The following PLCB1 variants were observed in gnomAD, a reference collection of about 807,000 sequenced individuals.
PLCB1 encodes phospholipase C beta 1.
PLCB1 carries 46 observed loss-of-function variants against 161.8 expected under a neutral mutation model. The observed-to-expected ratio is 0.28, with a 90% CI of 0.22 to 0.36. The LOEUF is 0.36. Among genes scored for constraint, PLCB1 ranks in the 10% least tolerant of loss-of-function variants. The probability of loss-of-function intolerance (pLI) is 1.00; values close to 1 mark genes in which losing one functional copy is unlikely to be tolerated. For missense variants in PLCB1, 1,016 were observed against 1,472.5 expected (o/e 0.69, Z 5.07); for synonymous variants, 517 against 503.7 (o/e 1.03, Z -0.35).
intron 3 of PLCB1, among the ~76,000 whole-genome samples, chr20:8,498,193 G>A (rs193130714): frequency 3.9e-5 from 6 of 152,262 alleles, no homozygotes; most frequent in Admixed American, 3.9e-4. Flanking sequence ...TGCCTCCCAG[G>A]ATAAAGTGAT....
Position 8,561,458 on chromosome 20 carries a change from A to G in PLCB1, c.247-66836A>G, listed in dbSNP as rs148548694. The stretch of plus-strand genomic sequence containing the variant: ...CTCTTAGTTAATCCAAGTGGGTGCC[A>G]AGACCCATGCACTGGAGAGTTGAAA... On this transcript the variant is annotated intron_variant, in intron 3 of 31. Transcript: ENST00000338037. Among the ~76,000 whole-genome samples, 434 of 152,028 alleles carry G rather than the reference A, an allele frequency of 2.9e-3. 1 individual carries two copies. The highest frequency in any genetic ancestry group is 4.2e-3 in the Non-Finnish European group (287 of 67,938).
intron 10 of PLCB1, among the ~76,000 whole-genome samples, chr20:8,695,355 A>G (rs1990562035): frequency 6.6e-6 from 1 of 152,218 alleles, no homozygotes; most frequent in South Asian, 2.1e-4. Context: ...GTCCATGTCA[A>G]AGTCATTTTA....
intron 2 of PLCB1, among the ~76,000 whole-genome samples, chr20:8,316,806 C>T (rs1286474555): frequency 1.3e-5 from 2 of 152,058 alleles, no homozygotes. Flanking sequence ...GGATTCAAGG[C>T]AGACCAGTTA....
intron 31 of PLCB1, among the ~76,000 whole-genome samples, chr20:8,863,558 T>G (rs1987326169): frequency 6.6e-6 from 1 of 152,194 alleles, no homozygotes; most frequent in Non-Finnish European, 1.5e-5. Context: ...GAACATGTGT[T>G]TCTAACAAGA....
At chr20:8,242,536 G>A (rs1444159381) in intron 2 of PLCB1, among the ~76,000 whole-genome samples, 3 of 151,962 alleles carry the variant, frequency 2.0e-5, no homozygotes. Context: ...GGGGAAGTTT[G>A]CAAGGGAAAG....
chr20:8,838,923 G>C (rs878936233), intron 31 of PLCB1, among the ~76,000 whole-genome samples: 1 of 152,158 alleles, frequency 6.6e-6, no homozygotes, highest in African/African-American at 2.4e-5. Context: ...TTGTCAATAA[G>C]GCTCGTGAGA....
chr20:8,525,506 G>A (rs1378392859), intron 3 of PLCB1, among the ~76,000 whole-genome samples: 1 of 152,136 alleles, frequency 6.6e-6, no homozygotes, highest in Non-Finnish European at 1.5e-5. Flanking sequence ...CTAAAAAACT[G>A]TACTGAGGGG....
At chr20:8,601,620 T>A (rs192804613) in intron 3 of PLCB1, among the ~76,000 whole-genome samples, 1 of 152,344 alleles carries the variant, frequency 6.6e-6, no homozygotes, top group Non-Finnish European at 1.5e-5. Flanking sequence ...GATCACTGAC[T>A]GAGCCCTTGT....
chr20:8,320,118 G>A (rs541110441), intron 2 of PLCB1, among the ~76,000 whole-genome samples: 44 of 152,170 alleles, frequency 2.9e-4, no homozygotes, highest in African/African-American at 1.0e-3. Context: ...CAGGATTTAG[G>A]GGAATGCATA....
chr20:8,507,539 G>T (rs550682235), intron 3 of PLCB1, among the ~76,000 whole-genome samples: 2 of 152,112 alleles, frequency 1.3e-5, no homozygotes, highest in Non-Finnish European at 2.9e-5. Flanking sequence ...ATTTTAAGGC[G>T]TATGTTTTCT....
intron 4 of PLCB1, among the ~76,000 whole-genome samples, chr20:8,640,957 A>G (rs761449): frequency 0.97 from 147,533 of 152,284 alleles, 71,472 homozygotes; most frequent in East Asian, 1. Context: ...AATGTCAAGA[A>G]GACTGGGACA....
chr20:8,452,646 A>G (rs1981122663), intron 3 of PLCB1, among the ~76,000 whole-genome samples: 1 of 152,220 alleles, frequency 6.6e-6, no homozygotes, highest in South Asian at 2.1e-4. Flanking sequence ...GAAAGGTTCT[A>G]TTAATAGCGC....
chr20:8,764,560 T>C (rs1982216703), intron 25 of PLCB1, among the ~76,000 whole-genome samples: 1 of 152,204 alleles, frequency 6.6e-6, no homozygotes, highest in Non-Finnish European at 1.5e-5. Context: ...TGGTGAGGGT[T>C]GGCTGTTAAC....
At chr20:8,875,499 TATA>T (rs1444857517) in intron 31 of PLCB1, among the ~76,000 whole-genome samples, 7 of 66,068 alleles carry the variant, frequency 1.1e-4, no homozygotes, top group Non-Finnish European at 2.3e-4. Context: ...TTATATAACA[TATA>T]AAATATTTTT....
chr20:8,639,651 T>G (rs982200872), intron 4 of PLCB1, among the ~76,000 whole-genome samples: 3 of 151,690 alleles, frequency 2.0e-5, no homozygotes, highest in Non-Finnish European at 4.4e-5. Context: ...AAAATGGATA[T>G]TTTTTTTTCA....
chr20:8,383,664 C>T (rs979547161), intron 3 of PLCB1, among the ~76,000 whole-genome samples: 2 of 152,156 alleles, frequency 1.3e-5, no homozygotes, highest in Admixed American at 1.3e-4. Flanking sequence ...TTTGCAATGG[C>T]TGGTTTTCCT....
chr20:8,286,930 T>C (rs764190924), intron 2 of PLCB1, among the ~76,000 whole-genome samples: 3 of 152,148 alleles, frequency 2.0e-5, no homozygotes, highest in Non-Finnish European at 1.5e-5. Context: ...ATCAGTGGAC[T>C]TTTGTCTATA....
intron 2 of PLCB1, among the ~76,000 whole-genome samples, chr20:8,234,724 G>A (rs1405366992): frequency 6.6e-6 from 1 of 151,974 alleles, no homozygotes; most frequent in Non-Finnish European, 1.5e-5. Flanking sequence ...ATTTGGCAAT[G>A]GTTGATAAAT....
At chr20:8,685,803 A>G (rs555762526) in intron 10 of PLCB1, among the ~76,000 whole-genome samples, 64 of 152,262 alleles carry the variant, frequency 4.2e-4, no homozygotes, top group Non-Finnish European at 7.4e-4. Flanking sequence ...TTAGACAAAA[A>G]CAAATTGACC....
Sources: allele counts gnomAD v4.1 joint callset (sites outside exome capture counted in the v4.1 genomes callset), GRCh38; gene constraint gnomAD v4.1.1; transcripts MANE v1.5; gene names NCBI Gene and HGNC (gene_info 2026-07-23, HGNC 2026-07-21).